Variants in PAK5 observed in about 807,000 individuals in gnomAD.
PAK5 encodes the protein p21 (RAC1) activated kinase 5.
In PAK5, 16 loss-of-function variants were observed where a neutral mutation model predicts 65.9. The observed-to-expected ratio is 0.24, with a 90% CI of 0.16 to 0.37. The LOEUF is 0.37. Among genes scored for constraint, PAK5 ranks in the 10% least tolerant of loss-of-function variants. The pLI, the probability that PAK5 is intolerant of heterozygous loss-of-function variation, is 1.00. For synonymous variants in PAK5, 371 were observed against 354.9 expected, an observed-to-expected ratio of 1.05 and a Z score of -0.51; for missense variants, 785 against 903.9, an observed-to-expected ratio of 0.87 and a Z score of 1.69.
chr20:9,603,301 CT>C (rs1483078276), intron 3 of PAK5, among the ~76,000 whole-genome samples: 1 of 152,190 alleles, frequency 6.6e-6, no homozygotes, highest in African/African-American at 2.4e-5. Context: ...CAGCAGCAAG[CT>C]TTACCTGGAA....
At chr20:9,821,193 CA>C (rs1475715652) in intron 1 of PAK5, among the ~76,000 whole-genome samples, 2 of 152,010 alleles carry the variant, frequency 1.3e-5, no homozygotes, top group African/African-American at 4.8e-5. Context: ...CCAGCCTGGC[CA>C]ACATGGTGAA....
At chr20:9,560,900 G>T (rs946781073) in intron 6 of PAK5, among the ~76,000 whole-genome samples, 1 of 152,092 alleles carries the variant, frequency 6.6e-6, no homozygotes, top group African/African-American at 2.4e-5. Context: ...TGAGTATTTG[G>T]GTACAGCATG....
intron 1 of PAK5, among the ~76,000 whole-genome samples, chr20:9,777,175 C>G (rs750001987): frequency 2.6e-5 from 4 of 152,054 alleles, no homozygotes; most frequent in African/African-American, 9.7e-5. Context: ...ACATTTCACT[C>G]GAGATATAAA....
intron 1 of PAK5, among the ~76,000 whole-genome samples, chr20:9,808,621 G>A (rs961889472): frequency 2.6e-5 from 4 of 152,096 alleles, no homozygotes; most frequent in Admixed American, 6.6e-5. Context: ...AGAAGCGATC[G>A]CAAAGGAATA....
At chr20:9,782,173 C>G (rs2048947490) in intron 1 of PAK5, among the ~76,000 whole-genome samples, 1 of 152,166 alleles carries the variant, frequency 6.6e-6, no homozygotes, top group Non-Finnish European at 1.5e-5. Flanking sequence ...GCACTGTCAT[C>G]TATTCCATCT....
chr20:9,772,420 GA>G (rs1345362656), intron 1 of PAK5, among the ~76,000 whole-genome samples: 16 of 152,000 alleles, frequency 1.1e-4, no homozygotes, highest in Non-Finnish European at 2.1e-4. Context: ...GGAGTCTCTA[GA>G]CCATCCCTGT....
At chr20:9,753,246 G>T (rs1262729575) in intron 1 of PAK5, among the ~76,000 whole-genome samples, 1 of 152,050 alleles carries the variant, frequency 6.6e-6, no homozygotes, top group Non-Finnish European at 1.5e-5. Flanking sequence ...TGTTACAGTG[G>T]GAAAGTAAAG....
intron 3 of PAK5, among the ~76,000 whole-genome samples, chr20:9,598,809 GT>G (rs1443313929): frequency 2.0e-5 from 3 of 151,952 alleles, no homozygotes; most frequent in African/African-American, 7.3e-5. Context: ...GGGGCTGTAT[GT>G]TTTTTTCTTT....
At chr20:9,661,814 T>A (rs2047350834) in intron 2 of PAK5, among the ~76,000 whole-genome samples, 1 of 152,174 alleles carries the variant, frequency 6.6e-6, no homozygotes, top group African/African-American at 2.4e-5. Flanking sequence ...TATTAATCAA[T>A]CTTCCTCACG....
intron 6 of PAK5, among the ~76,000 whole-genome samples, chr20:9,558,274 G>A (rs2045541905): frequency 6.6e-6 from 1 of 151,780 alleles, no homozygotes; most frequent in Non-Finnish European, 1.5e-5. Flanking sequence ...ATTATGCCCG[G>A]CTAATTTTTG....
At chr20:9,673,436 C>T (rs193083530) in intron 2 of PAK5, among the ~76,000 whole-genome samples, 89 of 152,268 alleles carry the variant, frequency 5.8e-4, no homozygotes, top group African/African-American at 1.9e-3. Flanking sequence ...GTTTTGAGCA[C>T]TGGAAATGTG....
chr20:9,647,279 C>T (rs1176851110), intron 2 of PAK5, among the ~76,000 whole-genome samples: 1 of 152,204 alleles, frequency 6.6e-6, no homozygotes, highest in African/African-American at 2.4e-5. Flanking sequence ...GCTCTATACA[C>T]CATCTCTCTA....
intron 3 of PAK5, among the ~76,000 whole-genome samples, chr20:9,618,248 G>A (rs536565168): frequency 3.7e-4 from 56 of 152,006 alleles, no homozygotes; most frequent in South Asian, 1.5e-3. Context: ...AAAGAGTCAG[G>A]TACCCCCCCA....
At chr20:9,789,093 A>G (rs867720680) in intron 1 of PAK5, among the ~76,000 whole-genome samples, 1 of 152,198 alleles carries the variant, frequency 6.6e-6, no homozygotes, top group Non-Finnish European at 1.5e-5. Context: ...TCAGTATGCC[A>G]TTTGGGGTAA....
At position 9,726,249 on chromosome 20, in the gene PAK5, C is replaced by T. The variant is rs573294060; in HGVS notation, c.-161-14814G>A. On this transcript the variant is annotated intron_variant, in intron 1 of 9. Coordinates refer to ENST00000353224, the MANE Select transcript of PAK5 (RefSeq NM_177990.4). ...TGAATCCACAGACACAGCTTCCAAACTCATGTCTTTTTAGGCTTATGGATC... is the reference window on the plus strand; with the variant it reads ...TGAATCCACAGACACAGCTTCCAAATTCATGTCTTTTTAGGCTTATGGATC... 3.5e-4 allele frequency among the ~76,000 whole-genome samples: 53 copies of T among 152,296 alleles called. 3 individuals are homozygous for T. In the South Asian group the frequency reaches 0.011, roughly 30 times the overall value.
In PAK5 at chr20:9,567,991, G is replaced by A. The variant is rs139387931; in HGVS notation, c.991-1607C>T. ...GGTTTGGGCAGTGGGAGTGGCACAT[G>A]CAGGATTCTGAGGCAGATCCAGGCT... On this transcript the variant is annotated intron_variant, in intron 4 of 9. Transcript: ENST00000353224. Among the ~76,000 whole-genome samples the A allele has an allele frequency of 4.4e-4, 67 of 152,288 alleles. 1 individual carries two copies. Among genetic ancestry groups the A allele is most frequent in the South Asian group, 3.9e-3 (19 of 4,818 alleles).
chr20:9,811,526 G>C (rs963885275), intron 1 of PAK5, among the ~76,000 whole-genome samples: 3 of 152,138 alleles, frequency 2.0e-5, no homozygotes, highest in African/African-American at 7.2e-5. Flanking sequence ...TATGACCAGA[G>C]GCCAACTACT....
intron 2 of PAK5, among the ~76,000 whole-genome samples, chr20:9,680,349 C>G (rs928234030): frequency 2.0e-5 from 3 of 152,080 alleles, no homozygotes; most frequent in African/African-American, 7.2e-5. Context: ...GAGTGCAAGT[C>G]CTTTACCTGA....
chr20:9,544,597 C>T, intron 7 of PAK5, 103 bp from the exon 8 acceptor site: 1 of 1,053,038 alleles, frequency 9.5e-7, no homozygotes, highest in East Asian at 2.4e-5. Context: ...AAAACAGTCT[C>T]ATCAACAGGC....
Sources: gnomAD v4.1 joint callset for allele counts (sites outside exome capture counted in the v4.1 genomes callset) on GRCh38, gnomAD v4.1.1 for gene constraint, MANE v1.5 for transcripts, NCBI Gene and HGNC (gene_info 2026-07-23, HGNC 2026-07-21) for gene names.